AXIN1: variants seen among roughly 807,000 people sequenced by gnomAD.
The protein encoded by AXIN1 is axin 1.
In AXIN1, 30 loss-of-function variants were observed where a neutral mutation model predicts 76.4. That is an observed-to-expected ratio of 0.39 (90% CI 0.29 to 0.53). The LOEUF (loss-of-function observed/expected upper bound fraction) is 0.53. AXIN1 is among the 20% of genes least tolerant of loss of function. The pLI, the probability that AXIN1 is intolerant of heterozygous loss-of-function variation, is 0.66. For synonymous variants in AXIN1, 545 were observed against 501.4 expected (o/e 1.09, Z -1.16); for missense variants, 1,140 against 1,198.8 (o/e 0.95, Z 0.72).
chr16:314,821 GA>G, intron 2 of AXIN1, 138 bp from the exon 3 acceptor site: 1 of 1,307,274 alleles, frequency 7.6e-7, no homozygotes, highest in Non-Finnish European at 1.1e-6. Flanking sequence ...GGAGCATGGA[GA>G]AAAGACCAAC....
At chr16:343,057 C>T (rs188767199) in intron 2 of AXIN1, among the ~76,000 whole-genome samples, 17 of 152,306 alleles carry the variant, frequency 1.1e-4, no homozygotes, top group Non-Finnish European at 1.8e-4. Flanking sequence ...CTTCAAGCCA[C>T]AAGGCTGCAC....
chr16:329,531 C>T (rs952986294), intron 2 of AXIN1, among the ~76,000 whole-genome samples: 4 of 152,072 alleles, frequency 2.6e-5, no homozygotes, highest in South Asian at 4.2e-4. Context: ...ATGCATCCTC[C>T]GCCTCCCGGG....
Position 346,962 on chromosome 16 carries a change from G to A in AXIN1, c.64C>T (p.Arg22Ter), listed in dbSNP as rs1238203898. 11 of 1,614,228 alleles carry A rather than the reference G, an allele frequency of 6.8e-6. No individual in the cohort carries two copies. The highest frequency in any genetic ancestry group is 9.3e-6 in the Non-Finnish European group (11 of 1,180,044). ...LGASFTEDAP[R>*]PPVPGEEGEL... ...CCCTCCTCACCAGGCACTGGGGGTC[G>A]GGGAGCATCTTCGGTGAAACTTGCT... The change falls in exon 2 of 11, where the codon CGA becomes TGA. Residue 22 changes from arginine (R) to a stop codon, truncating the protein, a stop_gained. Coordinates refer to ENST00000262320, the MANE Select transcript of AXIN1 (RefSeq NM_003502.4). LOFTEE classifies it high-confidence loss of function.
chr16:348,645 A>C (rs1183422753), intron 1 of AXIN1, among the ~76,000 whole-genome samples: 2 of 152,108 alleles, frequency 1.3e-5, no homozygotes, highest in African/African-American at 2.4e-5. Context: ...ACCAAAAAAC[A>C]GTTCTTAATT....
chr16:289,688 G>GT, intron 9 of AXIN1, 81 bp from the exon 10 acceptor site: 1 of 1,570,346 alleles, frequency 6.4e-7, no homozygotes. Flanking sequence ...CAGGCTGCCA[G>GT]TGTAAGGCGG....
chr16:290,673 G>A, intron 9 of AXIN1: 2 of 245,152 alleles, frequency 8.2e-6, no homozygotes, highest in Non-Finnish European at 1.6e-5. Context: ...CATGGTCTGA[G>A]CCCTTTCTCA....
chr16:321,638 G>A (rs1400468920), intron 2 of AXIN1, among the ~76,000 whole-genome samples: 2 of 150,588 alleles, frequency 1.3e-5, no homozygotes, highest in Non-Finnish European at 3.0e-5. Context: ...GGGAATATGA[G>A]GTAGGTGGAT....
In AXIN1 at chr16:306,257, C is replaced by T. The variant is rs369101778; in HGVS notation, c.1117-1816G>A. 3.3e-5 allele frequency among the ~76,000 whole-genome samples: 5 copies of T among 152,172 alleles called. No individual in the cohort carries two copies. The East Asian group carries it at 9.6e-4, about 29-fold the overall frequency. On this transcript the variant is annotated intron_variant, in intron 4 of 10. Coordinates refer to ENST00000262320, the MANE Select transcript of AXIN1 (RefSeq NM_003502.4). ...AAGCAAGGTCGCTCTCATACCTAAC[C>T]ACAGTACAAATATGGATGGTTAAAA...
At chr16:344,738 C>T (rs1006564218) in intron 2 of AXIN1, among the ~76,000 whole-genome samples, 1 of 152,152 alleles carries the variant, frequency 6.6e-6, no homozygotes, top group African/African-American at 2.4e-5. Context: ...ATTCGCCCGC[C>T]TCGGCCTCCC....
chr16:350,111 G>A (rs1449324213), intron 1 of AXIN1, among the ~76,000 whole-genome samples: 1 of 152,170 alleles, frequency 6.6e-6, no homozygotes, highest in Non-Finnish European at 1.5e-5. Context: ...ATTCATGTGT[G>A]AACCAAATTT....
At chr16:336,816 C>CAAAAAAAA (rs57147459) in intron 2 of AXIN1, among the ~76,000 whole-genome samples, 3 of 77,072 alleles carry the variant, frequency 3.9e-5, no homozygotes, top group African/African-American at 5.2e-5. Flanking sequence ...GACTCCGCCT[C>CAAAAAAAA]AAAAAAAAAA....
chr16:289,292 C>T (rs2052483279), intron 10 of AXIN1, 148 bp downstream of exon 10: 1 of 1,010,018 alleles, frequency 9.9e-7, no homozygotes, highest in African/African-American at 1.6e-5. Context: ...TCTCGAACTG[C>T]TGAGCTGAGG....
intron 1 of AXIN1, among the ~76,000 whole-genome samples, chr16:349,740 G>T (rs1029013247): frequency 6.6e-6 from 1 of 152,218 alleles, no homozygotes; most frequent in Non-Finnish European, 1.5e-5. Flanking sequence ...TACAGGGGCT[G>T]AACTACTGTA....
chr16:321,798 T>A (rs150953934), intron 2 of AXIN1, among the ~76,000 whole-genome samples: 1,547 of 152,266 alleles, frequency 0.01, 33 homozygotes, highest in African/African-American at 0.035. Context: ...CTCTCATAGC[T>A]GGGAATATGA....
At chr16:295,074 A>G (rs2052673717) in intron 7 of AXIN1, among the ~76,000 whole-genome samples, 1 of 151,162 alleles carries the variant, frequency 6.6e-6, no homozygotes. Context: ...AAAAAAAAAA[A>G]AAAAAAATTC....
chr16:314,772 A>G (rs2141595325), intron 2 of AXIN1, 89 bp from the exon 3 acceptor site: 3 of 1,560,108 alleles, frequency 1.9e-6, no homozygotes, highest in East Asian at 4.6e-5. Context: ...GAATATCTCA[A>G]TGTATTAATT....
chr16:298,358 C>T, intron 5 of AXIN1, 107 bp from the exon 6 acceptor site: 1 of 1,482,538 alleles, frequency 6.7e-7, no homozygotes, highest in Non-Finnish European at 9.1e-7. Context: ...GCCGTCCCAG[C>T]CCAGGGTGGC....
At chr16:288,865 C>G (rs914170241) in intron 10 of AXIN1, among the ~76,000 whole-genome samples, 1 of 152,182 alleles carries the variant, frequency 6.6e-6, no homozygotes, top group East Asian at 1.9e-4. Context: ...CAAGGTCGGC[C>G]TAGGGGAGCC....
rs1218547542 is a variant in AXIN1 at position 297,065 on chromosome 16, G to T, written c.1946C>A (p.Thr649Asn). The change falls in exon 7 of 11, where the codon ACC (threonine) becomes AAC (asparagine). Residue 649 changes from threonine (T) to asparagine (N), a missense_variant. By Grantham distance (65) the Thr-to-Asn change is moderately conservative. Transcript: ENST00000262320. ...CGTGCGGGGTGCTCACCCGTGGCCG[G>T]TCCTGCGGTGCCTGCTGATCTCCTT... ...GEKEISRHRRTGHGSSGTRKP... is the reference protein window; with the variant it reads ...GEKEISRHRRNGHGSSGTRKP... 3 of 1,611,432 alleles carry T rather than the reference G, an allele frequency of 1.9e-6. No individual in the cohort carries two copies. The highest frequency in any genetic ancestry group is 1.7e-5 in the Admixed American group (1 of 60,024).
Sources: allele counts gnomAD v4.1 joint callset (sites outside exome capture counted in the v4.1 genomes callset), GRCh38; gene constraint gnomAD v4.1.1; transcripts MANE v1.5; gene names NCBI Gene and HGNC (gene_info 2026-07-23, HGNC 2026-07-21).